The following OPCML variants were observed in gnomAD, a reference collection of about 807,000 sequenced individuals.
The protein encoded by OPCML is opioid binding protein/cell adhesion molecule like.
OPCML carries 13 observed loss-of-function variants against 37.8 expected under a neutral mutation model. That is an observed-to-expected ratio of 0.34 (90% confidence interval 0.22 to 0.55). The LOEUF (loss-of-function observed/expected upper bound fraction) is 0.55. Among genes scored for constraint, OPCML ranks in the 20% least tolerant of loss-of-function variants. The pLI is 0.91. For missense variants in OPCML, 341 were observed against 435.6 expected (o/e 0.78, Z 1.93); for synonymous variants, 176 against 168.8 (o/e 1.04, Z -0.33).
intron 1 of OPCML, chr11:133,301,046 A>G (rs1237487865): frequency 6.6e-6 from 1 of 152,184 alleles, no homozygotes; most frequent in East Asian, 1.9e-4. Context: ...GTTTATGGTA[A>G]TTGTTAGAGT....
intron 1 of OPCML, among the ~76,000 whole-genome samples, chr11:133,192,050 A>G (rs1035069709): frequency 1.3e-5 from 2 of 152,236 alleles, no homozygotes; most frequent in African/African-American, 4.8e-5. Context: ...TAAAAAAAGA[A>G]CAATGAGACT....
At chr11:133,108,807 TA>T (rs5795816) in intron 1 of OPCML, among the ~76,000 whole-genome samples, 6 of 151,104 alleles carry the variant, frequency 4.0e-5, no homozygotes, top group Non-Finnish European at 8.8e-5. Flanking sequence ...CTACAGGTGA[TA>T]AAAAAAAATG....
intron 1 of OPCML, among the ~76,000 whole-genome samples, chr11:133,051,078 C>CAT (rs1446384952): frequency 6.6e-6 from 1 of 151,594 alleles, no homozygotes; most frequent in East Asian, 1.9e-4. Context: ...CACACACACA[C>CAT]ACACACACCT....
intron 3 of OPCML, among the ~76,000 whole-genome samples, chr11:132,587,950 A>G (rs1447739501): frequency 1.3e-5 from 2 of 152,046 alleles, no homozygotes; most frequent in African/African-American, 2.4e-5. Flanking sequence ...TGTTCTTGCA[A>G]TTTCAGGATA....
intron 1 of OPCML, among the ~76,000 whole-genome samples, chr11:133,262,667 C>T (rs1156664094): frequency 6.6e-6 from 1 of 152,160 alleles, no homozygotes; most frequent in Non-Finnish European, 1.5e-5. Flanking sequence ...TGAGCCCTCT[C>T]GTGTGGCTTC....
At chr11:132,644,898 G>C (rs1159758236) in intron 3 of OPCML, among the ~76,000 whole-genome samples, 1 of 152,204 alleles carries the variant, frequency 6.6e-6, no homozygotes, top group African/African-American at 2.4e-5. Flanking sequence ...TGAATACAGG[G>C]ACAAAGAATC....
chr11:133,064,360 G>GC (rs905091366), intron 1 of OPCML, among the ~76,000 whole-genome samples: 4 of 152,340 alleles, frequency 2.6e-5, no homozygotes, highest in African/African-American at 9.6e-5. Context: ...CCCGGCTGAG[G>GC]CCCCCGGGCA....
At chr11:132,780,463 C>T (rs1046986297) in intron 2 of OPCML, among the ~76,000 whole-genome samples, 15 of 152,154 alleles carry the variant, frequency 9.9e-5, no homozygotes, top group African/African-American at 3.4e-4. Flanking sequence ...TTTCACTCCC[C>T]TTTCCAAACT....
chr11:132,570,754 A>AATATAT (rs2096435263), intron 3 of OPCML, among the ~76,000 whole-genome samples: 1 of 52,552 alleles, frequency 1.9e-5, no homozygotes, highest in Non-Finnish European at 3.8e-5. Flanking sequence ...CAGGAAAGAG[A>AATATAT]GTATATATAT....
At position 132,526,967 on chromosome 11, in the gene OPCML, C is replaced by A. The variant is rs2096310157; in HGVS notation, c.505+2094G>T. 2.0e-5 allele frequency among the ~76,000 whole-genome samples: 3 copies of A among 152,048 alleles called. No individual in the cohort carries two copies. In the South Asian group the frequency reaches 6.2e-4, roughly 31 times the overall value. ...GTTTTTCCTATTATAGGATTTCATG[C>A]AAACAAATTCATACAGCATGTATTT... On this transcript the variant is annotated intron_variant, in intron 4 of 7. Coordinates refer to ENST00000524381, the MANE Select transcript of OPCML (RefSeq NM_001012393.5).
chr11:132,742,148 C>T (rs934493618), intron 2 of OPCML, among the ~76,000 whole-genome samples: 6 of 152,138 alleles, frequency 3.9e-5, no homozygotes, highest in African/African-American at 7.2e-5. Context: ...CAGTCAGTGA[C>T]GTAACCGCAG....
intron 2 of OPCML, among the ~76,000 whole-genome samples, chr11:132,704,616 G>C (rs1295920861): frequency 1.3e-5 from 2 of 152,160 alleles, no homozygotes; most frequent in African/African-American, 2.4e-5. Context: ...AAAGAAATTT[G>C]TTTAGAAACT....
At chr11:132,446,251 G>A (rs1299255339) in intron 4 of OPCML, among the ~76,000 whole-genome samples, 1 of 149,720 alleles carries the variant, frequency 6.7e-6, no homozygotes, top group East Asian at 2.1e-4. Flanking sequence ...GGGTACCTGT[G>A]AGGATGTGGC....
At chr11:133,115,961 CATT>C (rs1441990066) in intron 1 of OPCML, among the ~76,000 whole-genome samples, 1 of 141,226 alleles carries the variant, frequency 7.1e-6, no homozygotes, top group Non-Finnish European at 1.5e-5. Flanking sequence ...AAAATAAGGA[CATT>C]ATTATTAATA....
chr11:132,948,448 C>T (rs1945792807), intron 1 of OPCML, among the ~76,000 whole-genome samples: 1 of 152,114 alleles, frequency 6.6e-6, no homozygotes, highest in Non-Finnish European at 1.5e-5. Context: ...TGGTTCTGTA[C>T]CTGGCCCTGG....
chr11:133,234,011 T>C (rs1218370142), intron 1 of OPCML, among the ~76,000 whole-genome samples: 1 of 152,102 alleles, frequency 6.6e-6, no homozygotes, highest in African/African-American at 2.4e-5. Flanking sequence ...ATGTAACAAT[T>C]GCAGAGCCAA....
intron 1 of OPCML, among the ~76,000 whole-genome samples, chr11:133,440,453 G>A (rs1449506586): frequency 6.7e-6 from 1 of 149,488 alleles, no homozygotes; most frequent in Non-Finnish European, 1.5e-5. Context: ...TTGGCTGGGT[G>A]TGGTGGCTCA....
At chr11:132,444,118 C>A (rs754094483) in intron 4 of OPCML, among the ~76,000 whole-genome samples, 2 of 152,126 alleles carry the variant, frequency 1.3e-5, no homozygotes, top group Non-Finnish European at 2.9e-5. Flanking sequence ...ACCCAGGTAT[C>A]AGGCCAGGGA....
chr11:133,267,134 G>A (rs1941686565), intron 1 of OPCML, among the ~76,000 whole-genome samples: 2 of 152,104 alleles, frequency 1.3e-5, no homozygotes, highest in South Asian at 2.1e-4. Context: ...GCAATGTGTT[G>A]GAAAGAGTGT....
Sources: gnomAD v4.1 joint callset for allele counts (sites outside exome capture counted in the v4.1 genomes callset) on GRCh38, gnomAD v4.1.1 for gene constraint, MANE v1.5 for transcripts, NCBI Gene and HGNC (gene_info 2026-07-23, HGNC 2026-07-21) for gene names.